Variants in RSPH14 observed in about 807,000 individuals in gnomAD.
RSPH14 encodes the protein radial spoke head 14 homolog.
Under a neutral mutation model 26.7 loss-of-function variants are expected in RSPH14, and 20 were observed. That is an observed-to-expected ratio of 0.75 (90% CI 0.53 to 1.09). RSPH14 has a LOEUF of 1.09. Among genes scored for constraint, RSPH14 ranks in the 50% least tolerant of loss-of-function variants. The pLI is 0.00. For synonymous variants in RSPH14, 177 were observed against 189.3 expected, an observed-to-expected ratio of 0.93 and a Z score of 0.53; for missense variants, 449 against 457.2, an observed-to-expected ratio of 0.98 and a Z score of 0.16.
the RSPH14 span, chr22:23,157,852 T>TC: frequency 6.5e-7 from 1 of 1,538,266 alleles, no homozygotes; most frequent in Non-Finnish European, 8.7e-7. Flanking sequence ...TCCTCAGCCT[T>TC]CATTGTAGGA....
upstream of RSPH14, among the ~76,000 whole-genome samples, chr22:23,148,359 A>G (rs976002116): frequency 6.6e-6 from 1 of 152,198 alleles, no homozygotes; most frequent in African/African-American, 2.4e-5. Context: ...GGAAAGTGTG[A>G]TTGGCACAAA....
At chr22:23,170,769 C>A in the RSPH14 span, among the ~76,000 whole-genome samples, 1 of 151,840 alleles carries the variant, frequency 6.6e-6, no homozygotes, top group Non-Finnish European at 1.5e-5. Context: ...ATCCCATTCA[C>A]GAGGACTCCA....
chr22:23,113,954 C>T (rs2069734927), intron 4 of RSPH14, among the ~76,000 whole-genome samples: 1 of 152,252 alleles, frequency 6.6e-6, no homozygotes, highest in Non-Finnish European at 1.5e-5. Context: ...CACACCCTGC[C>T]CAGCAGACAG....
chr22:23,166,156 A>T, the RSPH14 span, among the ~76,000 whole-genome samples: 1 of 145,514 alleles, frequency 6.9e-6, no homozygotes, highest in Non-Finnish European at 1.5e-5. Flanking sequence ...TTAAAAAAAA[A>T]AAAAAAAAAA....
intron 4 of RSPH14, among the ~76,000 whole-genome samples, chr22:23,130,550 G>T (rs2070341989): frequency 6.7e-6 from 1 of 150,340 alleles, no homozygotes; most frequent in Non-Finnish European, 1.5e-5. Flanking sequence ...AGGAAAGAAG[G>T]AAAGAAAGAC....
Position 23,059,470 on chromosome 22 carries a change from T to G in RSPH14, c.1039A>C (p.Lys347Gln). The G allele has an allele frequency of 6.2e-7, 1 of 1,605,996 alleles. No individual in the cohort carries two copies. The highest frequency in any genetic ancestry group is 8.5e-7 in the Non-Finnish European group (1 of 1,174,604). ...ARIAISVIEF[K>Q]P ...AGAGGTGAATGAAGGGCTCAGGGTTTGAACTCGATGACACTGATGGCGATC... is the reference window on the plus strand; with the variant it reads ...AGAGGTGAATGAAGGGCTCAGGGTTGGAACTCGATGACACTGATGGCGATC... The change falls in exon 7 of 7, where the codon AAA (lysine) becomes CAA (glutamine). Residue 347 changes from lysine to glutamine, a missense_variant. Physicochemically the swap from Lys to Gln is moderately conservative, Grantham distance 53. Coordinates refer to ENST00000216036, the MANE Select transcript of RSPH14 (RefSeq NM_014433.3).
In RSPH14 at chr22:23,140,416, G is replaced by A; in HGVS notation, c.5C>T (p.Ala2Val). 2 of 1,614,004 alleles carry A rather than the reference G, an allele frequency of 1.2e-6. No homozygotes were observed. Among genetic ancestry groups the A allele is most frequent in the African/African-American group, 1.3e-5 (1 of 75,038 alleles). Reference protein sequence around the residue: MAHSQNSLELPI... With the variant: MVHSQNSLELPI... ...AAGCTCCAAGGAGTTCTGGGAATGG[G>A]CCATCTTTCCCCAACTACAGAGGCC... The change falls in exon 2 of 7, where the codon GCC becomes GTC. Residue 2 changes from alanine (A) to valine (V), a missense_variant. Transcript: ENST00000216036.
intron 4 of RSPH14, among the ~76,000 whole-genome samples, chr22:23,132,042 C>A (rs1217586633): frequency 2.0e-5 from 3 of 152,214 alleles, no homozygotes; most frequent in Admixed American, 6.5e-5. Context: ...AGCCTTAACC[C>A]AGGGAATGCT....
intron 4 of RSPH14, among the ~76,000 whole-genome samples, chr22:23,076,397 C>T (rs973082299): frequency 9.9e-5 from 15 of 152,182 alleles, no homozygotes; most frequent in Non-Finnish European, 2.2e-4. Context: ...CTGTCCAGCC[C>T]CTTTTGCCCT....
At chr22:23,062,239 C>T (rs2068112483) in intron 5 of RSPH14, among the ~76,000 whole-genome samples, 1 of 152,186 alleles carries the variant, frequency 6.6e-6, no homozygotes, top group African/African-American at 2.4e-5. Flanking sequence ...AAATGGGGAA[C>T]AGCAGGACCC....
chr22:23,066,731 G>A (rs1156373595), intron 4 of RSPH14, among the ~76,000 whole-genome samples: 2 of 152,088 alleles, frequency 1.3e-5, no homozygotes, highest in African/African-American at 4.8e-5. Context: ...ACCCAACTGG[G>A]CGGCAGCCTG....
intron 4 of RSPH14, among the ~76,000 whole-genome samples, chr22:23,074,772 C>G (rs2068469141): frequency 6.6e-6 from 1 of 152,092 alleles, no homozygotes; most frequent in Non-Finnish European, 1.5e-5. Flanking sequence ...TGGAGAAGAG[C>G]GGGTCCCAGA....
chr22:23,076,012 G>A lies in RSPH14; in HGVS notation c.422-11879C>T, dbSNP rs148156372. ...TGCCTTAGTAGGTCTGGGCAGCCCC[G>A]CATCTGGGCAGCATGGTCCCTCTCA... On this transcript the variant is annotated intron_variant, in intron 4 of 6. Transcript: ENST00000216036. Among the ~76,000 whole-genome samples the A allele has an allele frequency of 2.7e-3, 415 of 152,276 alleles. 3 individuals carry two copies. Among genetic ancestry groups the A allele is most frequent in the Middle Eastern group, 6.8e-3 (2 of 294 alleles).
At chr22:23,140,094 C>T (rs757950660) in intron 2 of RSPH14, 128 bp downstream of exon 2, 10 of 1,157,102 alleles carry the variant, frequency 8.6e-6, no homozygotes, top group African/African-American at 1.5e-5. Context: ...ACCCGGGCAC[C>T]GCACCTATAG....
intron 4 of RSPH14, among the ~76,000 whole-genome samples, chr22:23,122,073 G>T (rs968288678): frequency 1.3e-5 from 2 of 152,140 alleles, no homozygotes; most frequent in African/African-American, 4.8e-5. Context: ...AAGCCAGATT[G>T]GTTCCAGATT....
intron 4 of RSPH14, among the ~76,000 whole-genome samples, chr22:23,115,690 C>A (rs1032027457): frequency 1.3e-5 from 2 of 152,226 alleles, no homozygotes; most frequent in South Asian, 4.1e-4. Flanking sequence ...CTGCTGGCCA[C>A]CCCTGCAAAT....
chr22:23,099,497 T>C (rs2069232109), intron 4 of RSPH14, among the ~76,000 whole-genome samples: 1 of 152,238 alleles, frequency 6.6e-6, no homozygotes. Flanking sequence ...AGGGGGTTTT[T>C]CTGGCGCACC....
chr22:23,092,078 T>TC (rs1246766675), intron 4 of RSPH14, among the ~76,000 whole-genome samples: 1 of 152,120 alleles, frequency 6.6e-6, no homozygotes, highest in Non-Finnish European at 1.5e-5. Context: ...GGTGTTGAGC[T>TC]CTAGTGATCC....
rs1009181986 is a variant in RSPH14, at chr22:23,095,120, G to A, written c.422-30987C>T. On this transcript the variant is annotated intron_variant, in intron 4 of 6. Transcript: ENST00000216036. ...CCCCATGGAGGAGAGGGGGTTGGAT[G>A]GATTGTTGCCGGCTCATTTTCCAAG... The A allele has an allele frequency of 4.4e-5, 7 of 159,400 alleles. No homozygotes were observed. In the South Asian group the frequency reaches 1.4e-3, roughly 31 times the overall value. 9.9% of individuals were successfully genotyped at this position (159,400 alleles called of 1,614,324 possible).
Sources: allele counts gnomAD v4.1 joint callset (sites outside exome capture counted in the v4.1 genomes callset), GRCh38; gene constraint gnomAD v4.1.1; transcripts MANE v1.5; gene names NCBI Gene and HGNC (gene_info 2026-07-23, HGNC 2026-07-21).